CIAO2A: variants seen among roughly 807,000 people sequenced by gnomAD.
The protein encoded by CIAO2A is MIP18 family protein FAM96A.
CIAO2A carries 17 observed loss-of-function variants against 22.4 expected under a neutral mutation model. The ratio of observed to expected loss-of-function variants is 0.76; its 90% CI spans 0.52 to 1.14. The LOEUF (loss-of-function observed/expected upper bound fraction) is 1.14, where lower values mean the gene tolerates loss of function less well. Among genes scored for constraint, CIAO2A ranks in the 50% most tolerant of loss-of-function variants. The probability of loss-of-function intolerance (pLI) is 0.00; values close to 1 mark genes in which losing one functional copy is unlikely to be tolerated. For missense variants in CIAO2A, 192 were observed against 191.4 expected (o/e 1.00, Z -0.02); for synonymous variants, 74 against 72.3 (o/e 1.02, Z -0.12).
At chr15:64,075,272 A>G in intron 4 of CIAO2A, 1 of 442,524 alleles carries the variant, frequency 2.3e-6, no homozygotes. Flanking sequence ...CACTGGCCTA[A>G]ACCAGTCAAC....
At chr15:64,088,346 G>T (rs1337145151) in intron 2 of CIAO2A, among the ~76,000 whole-genome samples, 1 of 152,160 alleles carries the variant, frequency 6.6e-6, no homozygotes, top group Non-Finnish European at 1.5e-5. Flanking sequence ...TATATACCTG[G>T]GAGGGGCAGC....
intron 3 of CIAO2A, among the ~76,000 whole-genome samples, chr15:64,080,574 C>T (rs1359013058): frequency 4.6e-5 from 7 of 151,432 alleles, no homozygotes; most frequent in African/African-American, 1.5e-4. Context: ...CCCAGCTACT[C>T]GGGAGGCTGA....
intron 1 of CIAO2A, 118 bp downstream of exon 1, chr15:64,093,527 A>G: frequency 7.9e-7 from 1 of 1,258,328 alleles, no homozygotes; most frequent in Non-Finnish European, 1.1e-6. Flanking sequence ...ACAAACAAAC[A>G]AACAAACAAA....
chr15:64,075,445 A>C, intron 4 of CIAO2A, 47 bp downstream of exon 4: 1 of 1,258,104 alleles, frequency 7.9e-7, no homozygotes, highest in Admixed American at 2.3e-5. Flanking sequence ...TCCAAGATAA[A>C]ATACTATCTG....
intron 2 of CIAO2A, among the ~76,000 whole-genome samples, chr15:64,084,035 T>C (rs2080775860): frequency 6.6e-6 from 1 of 152,134 alleles, no homozygotes; most frequent in South Asian, 2.1e-4. Context: ...GACAAAACTT[T>C]CTACAGGAAG....
At chr15:64,087,126 C>G (rs1567308021) in intron 2 of CIAO2A, among the ~76,000 whole-genome samples, 5 of 124,566 alleles carry the variant, frequency 4.0e-5, no homozygotes, top group African/African-American at 1.5e-4. Context: ...GAGTCTCGCT[C>G]TGATGCCCAG....
chr15:64,078,093 A>G (rs2140106602), intron 3 of CIAO2A, among the ~76,000 whole-genome samples: 1 of 152,290 alleles, frequency 6.6e-6, no homozygotes, highest in African/African-American at 2.4e-5. Context: ...GGATATATGG[A>G]ATTTCTTTGT....
At chr15:64,084,930 T>C (rs934250910) in intron 2 of CIAO2A, among the ~76,000 whole-genome samples, 16 of 151,230 alleles carry the variant, frequency 1.1e-4, no homozygotes, top group Non-Finnish European at 7.4e-5. Flanking sequence ...CCGTCTCTAC[T>C]AAAAATACAA....
chr15:64,078,920 G>A (rs1328194465), intron 3 of CIAO2A, among the ~76,000 whole-genome samples: 1 of 151,956 alleles, frequency 6.6e-6, no homozygotes, highest in African/African-American at 2.4e-5. Context: ...ATATACCTGT[G>A]GTTCCAGCTA....
chr15:64,088,744 G>A lies in CIAO2A; in HGVS notation c.232C>T (p.Leu78=). The A allele has an allele frequency of 6.2e-7, 1 of 1,613,828 alleles. No individual in the cohort carries two copies. Residue 78 remains leucine, a synonymous_variant, in exon 2 of 5, where the codon CTG becomes TTG. Transcript: ENST00000300030. ...GTTGGCGTGAACCTGATAATAACCA[G>A]ATATTCTTCTTCATTTATCTCCTGA... is the stretch of plus-strand genomic sequence containing the variant. ...EVQEINEEEY[L]VIIRFTPTVP...
At chr15:64,085,270 C>T (rs1398957095) in intron 2 of CIAO2A, among the ~76,000 whole-genome samples, 2 of 152,074 alleles carry the variant, frequency 1.3e-5, no homozygotes, top group East Asian at 1.9e-4. Context: ...TATGGTGGCT[C>T]ATGCCTGTAA....
intron 2 of CIAO2A, among the ~76,000 whole-genome samples, chr15:64,086,370 C>A (rs62023396): frequency 0.075 from 11,401 of 151,918 alleles, 1,342 homozygotes; most frequent in African/African-American, 0.25. Flanking sequence ...CAAGATTGCA[C>A]CATTGCGCTC....
intron 4 of CIAO2A, 38 bp from the exon 5 acceptor site, chr15:64,073,066 T>G: frequency 7.1e-7 from 1 of 1,400,994 alleles, no homozygotes; most frequent in East Asian, 2.3e-5. Context: ...AGAAGAACTG[T>G]GTCAATATAC....
At chr15:64,079,528 C>G (rs961682572) in intron 3 of CIAO2A, among the ~76,000 whole-genome samples, 1 of 152,028 alleles carries the variant, frequency 6.6e-6, no homozygotes. Flanking sequence ...CCTGTCTCAA[C>G]AGCAAACAAA....
Position 64,075,549 on chromosome 15 carries a change from G to GAA in CIAO2A, c.340-14_340-13dup. Reference sequence around the variant, plus strand: ...ATGTAGATTTCCAACTGGAAAGTGGGAAAAAAAGTAAAAGAAAAAACATTA... The same window carrying GAA: ...ATGTAGATTTCCAACTGGAAAGTGGGAAAAAAAAAGTAAAAGAAAAAACATTA... On this transcript the variant is annotated splice_polypyrimidine_tract_variant and intron_variant, in intron 3 of 4. Coordinates refer to ENST00000300030, the MANE Select transcript of CIAO2A (RefSeq NM_032231.7). The GAA allele has an allele frequency of 1.3e-6, 2 of 1,548,670 alleles. No homozygotes were observed. Among genetic ancestry groups the GAA allele is most frequent in the Non-Finnish European group, 1.8e-6 (2 of 1,134,810 alleles).
chr15:64,081,271 T>A (rs986516634), intron 2 of CIAO2A, 120 bp from the exon 3 acceptor site: 4 of 836,350 alleles, frequency 4.8e-6, no homozygotes, highest in Non-Finnish European at 7.6e-6. Context: ...CAGCTTTGGC[T>A]CAATCCAGAG....
At chr15:64,075,101 C>T (rs984229931) in intron 4 of CIAO2A, 1 of 154,980 alleles carries the variant, frequency 6.5e-6, no homozygotes, top group Non-Finnish European at 1.4e-5. Context: ...AATATACTAA[C>T]CCAGAGAGAC....
chr15:64,076,473 G>T (rs1337275900), intron 3 of CIAO2A, among the ~76,000 whole-genome samples: 3 of 151,886 alleles, frequency 2.0e-5, no homozygotes, highest in Non-Finnish European at 4.4e-5. Context: ...TATCCCTCCT[G>T]GCCCTGCTGC....
At chr15:64,090,823 G>C (rs1180039631) in intron 1 of CIAO2A, among the ~76,000 whole-genome samples, 1 of 152,206 alleles carries the variant, frequency 6.6e-6, no homozygotes, top group East Asian at 1.9e-4. Flanking sequence ...CAATGACAAG[G>C]ATAAGGGCAA....
Sources: gnomAD v4.1 joint callset for allele counts (sites outside exome capture counted in the v4.1 genomes callset) on GRCh38, gnomAD v4.1.1 for gene constraint, MANE v1.5 for transcripts, NCBI Gene and HGNC (gene_info 2026-07-23, HGNC 2026-07-21) for gene names.